The following ACCSL variants were observed in gnomAD, a reference collection of about 807,000 sequenced individuals.
The protein encoded by ACCSL is 1-aminocyclopropane-1-carboxylate synthase homolog (inactive) like, also known as probable inactive 1-aminocyclopropane-1-carboxylate synthase-like protein 2.
ACCSL carries 55 observed loss-of-function variants against 61.7 expected under a neutral mutation model. That is an observed-to-expected ratio of 0.89 (90% CI 0.72 to 1.12). The LOEUF (loss-of-function observed/expected upper bound fraction) is 1.12, where lower values mean the gene tolerates loss of function less well. ACCSL is among the 50% of genes most tolerant of loss of function. The pLI is 0.00. For synonymous variants in ACCSL, 258 were observed against 264.3 expected (o/e 0.98, Z 0.23); for missense variants, 632 against 698.0 (o/e 0.91, Z 1.07).
At chr11:44,046,885 A>G (rs1952601306), upstream of ACCSL, among the ~76,000 whole-genome samples, 1 of 152,122 alleles carries the variant, frequency 6.6e-6, no homozygotes, top group Non-Finnish European at 1.5e-5. Context: ...TTTAAAAGGT[A>G]TTTTTTGGTC....
At chr11:43,935,312 G>A in the ACCSL span, among the ~76,000 whole-genome samples, 10 of 75,312 alleles carry the variant, frequency 1.3e-4, no homozygotes, top group Non-Finnish European at 2.3e-4. Context: ...AGTGTAGATC[G>A]ACCCAAACAA....
At chr11:44,042,229 G>T in the ACCSL span, among the ~76,000 whole-genome samples, 1 of 152,266 alleles carries the variant, frequency 6.6e-6, no homozygotes, top group African/African-American at 2.4e-5. Flanking sequence ...TAGCATTGGA[G>T]TAATATACTC....
chr11:43,960,108 C>A, the ACCSL span, among the ~76,000 whole-genome samples: 1 of 152,144 alleles, frequency 6.6e-6, no homozygotes, highest in Non-Finnish European at 1.5e-5. Flanking sequence ...CCACCATTGC[C>A]CAGGATGTGT....
At chr11:44,012,959 T>C in the ACCSL span, among the ~76,000 whole-genome samples, 5 of 152,176 alleles carry the variant, frequency 3.3e-5, no homozygotes, top group Non-Finnish European at 5.9e-5. Context: ...AATCTGGTCC[T>C]AAATATCAAT....
the ACCSL span, among the ~76,000 whole-genome samples, chr11:44,041,710 T>C: frequency 6.6e-6 from 1 of 152,250 alleles, no homozygotes; most frequent in Non-Finnish European, 1.5e-5. Context: ...TTTCTTACCT[T>C]GGCTAATATT....
intron 8 of ACCSL, among the ~76,000 whole-genome samples, 189 bp from the exon 9 acceptor site, chr11:44,055,013 C>T (rs117011729): frequency 6.6e-6 from 1 of 152,276 alleles, no homozygotes; most frequent in Non-Finnish European, 1.5e-5. Flanking sequence ...GATGTACCAC[C>T]CCATCTACCT....
the ACCSL span, among the ~76,000 whole-genome samples, chr11:43,946,448 T>A: frequency 3.3e-5 from 5 of 152,186 alleles, no homozygotes; most frequent in African/African-American, 1.2e-4. Context: ...CCTAGAAATA[T>A]TTGTTTATTA....
chr11:43,987,153 G>A, the ACCSL span, among the ~76,000 whole-genome samples: 8 of 152,086 alleles, frequency 5.3e-5, no homozygotes, highest in Non-Finnish European at 7.4e-5. Flanking sequence ...GTAGGGACAC[G>A]CCCATCAGGA....
the ACCSL span, among the ~76,000 whole-genome samples, chr11:43,968,143 C>A: frequency 1.6e-4 from 24 of 152,276 alleles, no homozygotes; most frequent in South Asian, 4.8e-3. Context: ...TGCTGCCAGA[C>A]ACCCTACAAT....
chr11:43,949,858 A>AACAAC, the ACCSL span, among the ~76,000 whole-genome samples: 1 of 134,608 alleles, frequency 7.4e-6, no homozygotes, highest in Admixed American at 7.3e-5. Context: ...ACAACAACAA[A>AACAAC]ACATACTTAC....
chr11:43,979,427 C>T, the ACCSL span, among the ~76,000 whole-genome samples: 4 of 152,148 alleles, frequency 2.6e-5, no homozygotes, highest in Non-Finnish European at 5.9e-5. Flanking sequence ...GGAGATGAGG[C>T]CCCAGTTGTT....
At chr11:43,948,342 C>G in the ACCSL span, among the ~76,000 whole-genome samples, 1 of 152,182 alleles carries the variant, frequency 6.6e-6, no homozygotes, top group Non-Finnish European at 1.5e-5. Context: ...CACCTCCGAT[C>G]AACACTCTAC....
At chr11:43,929,183 C>T in the ACCSL span, among the ~76,000 whole-genome samples, 13 of 152,112 alleles carry the variant, frequency 8.5e-5, no homozygotes, top group South Asian at 4.1e-4. Flanking sequence ...TGTGTGAATG[C>T]GAAGGAAAGA....
At chr11:44,058,490 T>C (rs1952685799) in intron 12 of ACCSL, 31 bp downstream of exon 12, 1 of 1,614,104 alleles carries the variant, frequency 6.2e-7, no homozygotes, top group African/African-American at 1.3e-5. Context: ...CAGGTGTTCT[T>C]GGGCAGACCT....
the ACCSL span, among the ~76,000 whole-genome samples, chr11:43,959,511 C>T: frequency 3.9e-5 from 6 of 152,222 alleles, no homozygotes; most frequent in Admixed American, 1.3e-4. Flanking sequence ...CCTCAGTCTA[C>T]GTCCAACCAG....
chr11:43,924,507 C>CGG, the ACCSL span, among the ~76,000 whole-genome samples: 1 of 152,200 alleles, frequency 6.6e-6, no homozygotes, highest in Admixed American at 6.5e-5. Context: ...GCAGGAAGGA[C>CGG]GGGGGCAGGC....
chr11:43,995,055 G>T, the ACCSL span: 64,308 of 152,070 alleles, frequency 0.42, 14,231 homozygotes, highest in Middle Eastern at 0.54. Context: ...CTTATGCAAG[G>T]TGAGTGGCAT....
At chr11:44,012,561 A>G in the ACCSL span, among the ~76,000 whole-genome samples, 1 of 152,216 alleles carries the variant, frequency 6.6e-6, no homozygotes, top group Admixed American at 6.5e-5. Context: ...TGCTGGGATT[A>G]TAGGTGTGAG....
At chr11:43,942,564 C>G in the ACCSL span, 3 of 292,978 alleles carry the variant, frequency 1.0e-5, no homozygotes, top group African/African-American at 4.7e-5. Flanking sequence ...AAATGGCATT[C>G]GCTGTCATCC....
Sources: gnomAD v4.1 joint callset for allele counts (sites outside exome capture counted in the v4.1 genomes callset) on GRCh38, gnomAD v4.1.1 for gene constraint, MANE v1.5 for transcripts, NCBI Gene and HGNC (gene_info 2026-07-23, HGNC 2026-07-21) for gene names.